CCDC91: variants seen among roughly 807,000 people sequenced by gnomAD.
The protein encoded by CCDC91 is coiled-coil domain containing 91.
In CCDC91, 48 loss-of-function variants were observed where a neutral mutation model predicts 63.2. The observed-to-expected ratio is 0.76, with a 90% CI of 0.60 to 0.97. The LOEUF (loss-of-function observed/expected upper bound fraction) is 0.97, where lower values mean the gene tolerates loss of function less well. Ranked by LOEUF, CCDC91 falls within the 50% of genes least tolerant of loss-of-function variation. The probability of loss-of-function intolerance (pLI) is 0.00; values close to 1 mark genes in which losing one functional copy is unlikely to be tolerated. For missense variants in CCDC91, 500 were observed against 494.6 expected (o/e 1.01, Z -0.10); for synonymous variants, 167 against 165.8 (o/e 1.01, Z -0.06).
chr12:28,208,538 G>A (rs1271156435), intron 1 of CCDC91, among the ~76,000 whole-genome samples: 1 of 152,072 alleles, frequency 6.6e-6, no homozygotes, highest in Non-Finnish European at 1.5e-5. Context: ...TTCCAAAGTT[G>A]GATGTCAGAA....
rs144081876 is a variant in CCDC91 at position 28,194,765 on chromosome 12, G to C, written c.-15+4124G>C. Among the ~76,000 whole-genome samples, 1,063 of 152,034 alleles carry C rather than the reference G, an allele frequency of 7.0e-3. 11 individuals carry two copies. Among genetic ancestry groups the C allele is most frequent in the African/African-American group, 0.024 (1,011 of 41,454 alleles). ...TGTTTGTTCCTCCCAGTGGGTTTGTGGTCTCGCTGGCCTCAGGAGTGAAGC... is the reference window on the plus strand; with the variant it reads ...TGTTTGTTCCTCCCAGTGGGTTTGTCGTCTCGCTGGCCTCAGGAGTGAAGC... On this transcript the variant is annotated intron_variant, in intron 1 of 12. Transcript: ENST00000536442.
Position 28,280,348 on chromosome 12 carries a change from CT to C in CCDC91, c.109+20914del, listed in dbSNP as rs571834307. ...GTAACTATTTCTTATAGGTCTTTCA[CT>C]TTTTTTTCCTGTATACATCTCTGAT... On this transcript the variant is annotated intron_variant, in intron 3 of 12. Transcript: ENST00000536442. 5.4e-4 allele frequency among the ~76,000 whole-genome samples: 82 copies of C among 152,000 alleles called. No individual in the cohort carries two copies. The East Asian group carries it at 0.015, about 29-fold the overall frequency.
intron 11 of CCDC91, among the ~76,000 whole-genome samples, chr12:28,481,868 A>G (rs771166660): frequency 7.2e-5 from 11 of 152,112 alleles, no homozygotes; most frequent in East Asian, 1.9e-4. Context: ...TATTAATAAT[A>G]TAAACACTCA....
chr12:28,282,689 A>G lies in CCDC91; in HGVS notation c.110-22960A>G, dbSNP rs138808043. On this transcript the variant is annotated intron_variant, in intron 3 of 12. Coordinates refer to ENST00000536442, the MANE Select transcript of CCDC91 (RefSeq NM_018318.5). ...TAGTTCCTTGAGAAAGCTCCATACT[A>G]TTTTCATAAAGGTAGTTTAATGAGG... Among the ~76,000 whole-genome samples the G allele has an allele frequency of 1.2e-3, 177 of 152,080 alleles. 1 individual carries two copies. The highest frequency in any genetic ancestry group is 4.2e-3 in the African/African-American group (173 of 41,514).
At chr12:28,458,332 CTATTA>C (rs558649489) in intron 11 of CCDC91, among the ~76,000 whole-genome samples, 2 of 150,142 alleles carry the variant, frequency 1.3e-5, no homozygotes, top group East Asian at 2.0e-4. Flanking sequence ...TTTTTTCCTT[CTATTA>C]TATTTTTTTC....
At chr12:28,352,433 C>G (rs2138289143) in intron 6 of CCDC91, among the ~76,000 whole-genome samples, 1 of 152,306 alleles carries the variant, frequency 6.6e-6, no homozygotes, top group South Asian at 2.1e-4. Flanking sequence ...TCAATTCCTG[C>G]CACTACTTTG....
intron 6 of CCDC91, among the ~76,000 whole-genome samples, chr12:28,343,104 A>G (rs1942554007): frequency 6.6e-6 from 1 of 151,878 alleles, no homozygotes; most frequent in Admixed American, 6.6e-5. Flanking sequence ...ATTGAGAGAC[A>G]TTGAGCAAAG....
chr12:28,206,485 T>C lies in CCDC91; in HGVS notation c.-15+15844T>C, dbSNP rs533158547. ...AGAATACAGTGCACTAGGGAGACTA[T>C]TATTATGACTACGGGAGGATAATAC... On this transcript the variant is annotated intron_variant, in intron 1 of 12. Coordinates refer to ENST00000536442, the MANE Select transcript of CCDC91 (RefSeq NM_018318.5). Among the ~76,000 whole-genome samples, 3 of 152,326 alleles carry C rather than the reference T, an allele frequency of 2.0e-5. No individual in the cohort carries two copies. In the South Asian group the frequency reaches 6.2e-4, roughly 32 times the overall value.
chr12:28,504,671 T>G (rs1450405714), intron 12 of CCDC91, among the ~76,000 whole-genome samples: 1 of 151,976 alleles, frequency 6.6e-6, no homozygotes, highest in African/African-American at 2.4e-5. Flanking sequence ...ACTTTTACTC[T>G]TACACTTCAA....
At chr12:28,534,494 C>CT (rs1941995687) in intron 12 of CCDC91, among the ~76,000 whole-genome samples, 2 of 152,080 alleles carry the variant, frequency 1.3e-5, no homozygotes, top group Non-Finnish European at 2.9e-5. Context: ...GGGATTTTGT[C>CT]CCATTGTTTG....
chr12:28,409,625 A>G (rs571524077), intron 8 of CCDC91, among the ~76,000 whole-genome samples: 1 of 152,198 alleles, frequency 6.6e-6, no homozygotes, highest in Admixed American at 6.5e-5. Context: ...AGTGTTTTAA[A>G]ATAGGGGCTT....
chr12:28,540,863 G>T (rs2141804274), intron 12 of CCDC91, among the ~76,000 whole-genome samples: 1 of 152,166 alleles, frequency 6.6e-6, no homozygotes, highest in South Asian at 2.1e-4. Context: ...GAAACCAGCT[G>T]CCATCTCATT....
intron 12 of CCDC91, among the ~76,000 whole-genome samples, chr12:28,547,252 G>C (rs1943054247): frequency 6.6e-6 from 1 of 152,038 alleles, no homozygotes; most frequent in Admixed American, 6.6e-5. Context: ...AATAGTTTTA[G>C]AAGCTGAAAA....
At chr12:28,345,502 C>T (rs1401959022) in intron 6 of CCDC91, among the ~76,000 whole-genome samples, 9 of 151,824 alleles carry the variant, frequency 5.9e-5, no homozygotes, top group Non-Finnish European at 1.2e-4. Flanking sequence ...ACTTTTATAG[C>T]TATTTATTCA....
chr12:28,433,449 C>A (rs1483611755), intron 8 of CCDC91, among the ~76,000 whole-genome samples: 1 of 151,862 alleles, frequency 6.6e-6, no homozygotes, highest in Non-Finnish European at 1.5e-5. Context: ...TTCAGATGTT[C>A]TAGCACCAAT....
intron 3 of CCDC91, among the ~76,000 whole-genome samples, chr12:28,282,097 T>C (rs1410021149): frequency 1.3e-5 from 2 of 152,180 alleles, no homozygotes; most frequent in Non-Finnish European, 2.9e-5. Flanking sequence ...AGAATGAAGA[T>C]GAACTTTACT....
chr12:28,325,740 G>A (rs1940930736), intron 6 of CCDC91, among the ~76,000 whole-genome samples: 1 of 151,912 alleles, frequency 6.6e-6, no homozygotes, highest in Non-Finnish European at 1.5e-5. Context: ...TGTTGCTGAA[G>A]CAGAATGAAT....
chr12:28,400,653 A>G (rs916800169), intron 8 of CCDC91, among the ~76,000 whole-genome samples: 2 of 152,256 alleles, frequency 1.3e-5, no homozygotes, highest in Non-Finnish European at 2.9e-5. Flanking sequence ...TTGTGAATAT[A>G]TAAAACTGAA....
intron 12 of CCDC91, among the ~76,000 whole-genome samples, chr12:28,522,382 G>A (rs562081089): frequency 3.9e-5 from 6 of 152,260 alleles, no homozygotes; most frequent in South Asian, 4.1e-4. Flanking sequence ...AGTATTCTCT[G>A]ATGGTAGTTT....
Sources: allele counts gnomAD v4.1 joint callset (sites outside exome capture counted in the v4.1 genomes callset), GRCh38; gene constraint gnomAD v4.1.1; transcripts MANE v1.5; gene names NCBI Gene and HGNC (gene_info 2026-07-23, HGNC 2026-07-21).